The following SAMD5 variants were observed in gnomAD, a reference collection of about 807,000 sequenced individuals.
The protein encoded by SAMD5 is sterile alpha motif domain containing 5.
SAMD5 carries 13 observed loss-of-function variants against 11.3 expected under a neutral mutation model. The observed-to-expected ratio is 1.15, with a 90% CI of 0.75 to 1.83. SAMD5 has a LOEUF of 1.83. SAMD5 is among the 40% of genes most tolerant of loss of function. The probability of loss-of-function intolerance (pLI) is 0.00; values close to 1 mark genes in which losing one functional copy is unlikely to be tolerated. For synonymous variants in SAMD5, 129 were observed against 111.3 expected, an observed-to-expected ratio of 1.16 and a Z score of -1.00; for missense variants, 255 against 239.1, an observed-to-expected ratio of 1.07 and a Z score of -0.44.
chr6:147,744,322 C>T, the SAMD5 span, among the ~76,000 whole-genome samples: 2 of 152,064 alleles, frequency 1.3e-5, no homozygotes, highest in African/African-American at 4.8e-5. Context: ...GTTCCTGAGA[C>T]ATAGTAAATG....
At chr6:147,903,764 C>T in the SAMD5 span, among the ~76,000 whole-genome samples, 19 of 151,984 alleles carry the variant, frequency 1.3e-4, no homozygotes, top group South Asian at 6.2e-4. Flanking sequence ...AAAAATTAGC[C>T]GGGCTTGGTG....
downstream of SAMD5, among the ~76,000 whole-genome samples, chr6:147,571,982 C>T (rs113929406): frequency 1.1e-3 from 140 of 128,414 alleles, no homozygotes; most frequent in African/African-American, 4.0e-3. Context: ...GTAATTTCAA[C>T]TTTTTTTTTT....
the SAMD5 span, among the ~76,000 whole-genome samples, chr6:147,901,337 C>G: frequency 6.6e-6 from 1 of 152,142 alleles, no homozygotes; most frequent in African/African-American, 2.4e-5. Context: ...ATATTTATCT[C>G]AATTATGTAA....
the SAMD5 span, among the ~76,000 whole-genome samples, chr6:147,779,496 C>G: frequency 7.0e-6 from 1 of 143,132 alleles, no homozygotes; most frequent in Admixed American, 6.8e-5. Context: ...CTGAAGTCAT[C>G]CTTTTTTTTT....
At chr6:147,925,990 A>G in the SAMD5 span, among the ~76,000 whole-genome samples, 1 of 152,228 alleles carries the variant, frequency 6.6e-6, no homozygotes, top group South Asian at 2.1e-4. Flanking sequence ...CCTCCAGCCC[A>G]TCCATCTTCC....
At chr6:147,541,476 A>C (rs1788602925) in intron 1 of SAMD5, among the ~76,000 whole-genome samples, 1 of 152,124 alleles carries the variant, frequency 6.6e-6, no homozygotes, top group African/African-American at 2.4e-5. Context: ...GTTGTCTTTG[A>C]TTCATTCCAG....
At chr6:147,926,083 G>A in the SAMD5 span, among the ~76,000 whole-genome samples, 1,462 of 152,248 alleles carry the variant, frequency 9.6e-3, 14 homozygotes, top group Non-Finnish European at 0.016. Flanking sequence ...CATCCAATCT[G>A]TCGTTGATGG....
intron 1 of SAMD5, among the ~76,000 whole-genome samples, chr6:147,537,769 AG>A: frequency 6.8e-6 from 1 of 146,868 alleles, no homozygotes; most frequent in Non-Finnish European, 1.5e-5. Context: ...AAAAAAAAAA[AG>A]AGAAAACCTT....
At chr6:147,860,151 C>T in the SAMD5 span, among the ~76,000 whole-genome samples, 2 of 152,080 alleles carry the variant, frequency 1.3e-5, no homozygotes, top group Non-Finnish European at 2.9e-5. Flanking sequence ...TCCCTTCTTG[C>T]TTTCTTGGTT....
At position 147,637,542 on chromosome 6, in the gene SAMD5, C is replaced by G. The variant is rs367905306; in HGVS notation, c.163-99775C>G. Among the ~76,000 whole-genome samples, 12 of 152,288 alleles carry G rather than the reference C, an allele frequency of 7.9e-5. No individual in the cohort carries two copies. The East Asian group carries it at 2.3e-3, about 29-fold the overall frequency. On this transcript the variant is annotated intron_variant, in intron 1 of 1. Coordinates refer to the SAMD5 transcript ENST00000566741. ...AAGGCTATTGCCATTTTGTGACTCC[C>G]CAGATGTGCCAAGGTATTTACATCT...
chr6:147,751,009 C>G, the SAMD5 span, among the ~76,000 whole-genome samples: 3 of 152,134 alleles, frequency 2.0e-5, no homozygotes, highest in Admixed American at 2.0e-4. Flanking sequence ...TGAGAAGTTG[C>G]ATTGCTGACA....
chr6:147,557,267 G>T (rs1007026986), intron 1 of SAMD5, among the ~76,000 whole-genome samples: 2 of 152,154 alleles, frequency 1.3e-5, no homozygotes, highest in African/African-American at 4.8e-5. Flanking sequence ...TCAATGAAGG[G>T]ATTAAAAAAC....
At chr6:147,630,834 G>T (rs1188047043) in intron 1 of SAMD5, among the ~76,000 whole-genome samples, 1 of 152,104 alleles carries the variant, frequency 6.6e-6, no homozygotes, top group Non-Finnish European at 1.5e-5. Flanking sequence ...TCCTTTTCTG[G>T]TAGAGACAGA....
intron 1 of SAMD5, among the ~76,000 whole-genome samples, chr6:147,604,118 G>A (rs537725450): frequency 6.6e-5 from 10 of 152,050 alleles, no homozygotes; most frequent in Non-Finnish European, 1.3e-4. Context: ...CTAACACGAA[G>A]ACTGACGACT....
chr6:147,884,639 A>T, the SAMD5 span, among the ~76,000 whole-genome samples: 26 of 113,204 alleles, frequency 2.3e-4, no homozygotes, highest in African/African-American at 4.6e-4. Flanking sequence ...GATAGATTTT[A>T]AAAAACTTTC....
At chr6:147,591,129 T>A (rs1358437923) in intron 1 of SAMD5, among the ~76,000 whole-genome samples, 1 of 141,132 alleles carries the variant, frequency 7.1e-6, no homozygotes, top group African/African-American at 2.7e-5. Context: ...ATTGTTTCCA[T>A]AAGAGCATCA....
chr6:147,732,216 G>A (rs149324482), intron 1 of SAMD5, among the ~76,000 whole-genome samples: 58 of 152,190 alleles, frequency 3.8e-4, no homozygotes, highest in African/African-American at 1.0e-3. Flanking sequence ...GAACAATTGC[G>A]TGACCCTTGA....
chr6:147,685,544 A>G (rs1218143908), intron 1 of SAMD5, among the ~76,000 whole-genome samples: 1 of 151,998 alleles, frequency 6.6e-6, no homozygotes, highest in Non-Finnish European at 1.5e-5. Flanking sequence ...CATCACAGCC[A>G]CTTTCTTCAT....
intron 1 of SAMD5, among the ~76,000 whole-genome samples, chr6:147,620,290 T>C (rs1013467218): frequency 2.0e-5 from 3 of 152,186 alleles, no homozygotes; most frequent in African/African-American, 7.2e-5. Context: ...CATGGGATGA[T>C]TCTTGTCTCT....
Sources: gnomAD v4.1 joint callset for allele counts (sites outside exome capture counted in the v4.1 genomes callset) on GRCh38, gnomAD v4.1.1 for gene constraint, MANE v1.5 for transcripts, NCBI Gene and HGNC (gene_info 2026-07-23, HGNC 2026-07-21) for gene names.